PIEZO2: variants seen among roughly 807,000 people sequenced by gnomAD.
The protein encoded by PIEZO2 is piezo type mechanosensitive ion channel component 2, also known as piezo-type mechanosensitive ion channel component 2.
In PIEZO2, 172 loss-of-function variants were observed where a neutral mutation model predicts 337.3. The ratio of observed to expected loss-of-function variants is 0.51; its 90% CI spans 0.45 to 0.58. PIEZO2 has a LOEUF of 0.58. Among genes scored for constraint, PIEZO2 ranks in the 20% least tolerant of loss-of-function variants. PIEZO2 has a pLI of 0.00. For synonymous variants in PIEZO2, 1,251 were observed against 1,228.5 expected (o/e 1.02, Z -0.38); for missense variants, 3,028 against 3,391.3 (o/e 0.89, Z 2.66).
intron 21 of PIEZO2, among the ~76,000 whole-genome samples, chr18:10,769,516 G>A (rs1053908605): frequency 2.0e-5 from 3 of 152,184 alleles, no homozygotes; most frequent in Admixed American, 6.5e-5. Context: ...TTTTTAGAGG[G>A]CAAAGAATTC....
rs143359003 is a variant in PIEZO2 at position 11,001,652 on chromosome 18, C to T, written c.161-21992G>A. 9.3e-3 allele frequency among the ~76,000 whole-genome samples: 1,411 copies of T among 151,864 alleles called. 9 individuals carry two copies. Among genetic ancestry groups the T allele is most frequent in the Middle Eastern group, 0.02 (6 of 294 alleles). ...CAGCACTTTGGGAGGCTGAGGTGGG[C>T]GGATCATCTGAGGTCGGGAGTTCGA... On this transcript the variant is annotated intron_variant, in intron 2 of 55. Transcript: ENST00000674853. The surrounding 1 kb of genome is among the most constrained non-coding windows in gnomAD (Gnocchi z 5.3).
Position 10,752,654 on chromosome 18 carries a change from C to T in PIEZO2, c.4149G>A (p.Thr1383=), listed in dbSNP as rs538099108. Reference sequence around the variant, plus strand: ...CACTTACTGACAGGATATTTTTCATCGTAATCACAAAAACGTTGTATGCGA... The same window carrying T: ...CACTTACTGACAGGATATTTTTCATTGTAATCACAAAAACGTTGTATGCGA... ...WLIAYNVFVI[T]MKNILSIGAC... Residue 1383 remains threonine, a synonymous_variant, in exon 28 of 56, where the codon ACG becomes ACA. Transcript: ENST00000674853. 4.6e-6 allele frequency: 7 copies of T among 1,537,120 alleles called. No homozygotes were observed. Among genetic ancestry groups the T allele is most frequent in the Non-Finnish European group, 5.2e-6 (6 of 1,146,860 alleles).
At chr18:10,900,178 TACACACACACAC>T (rs56708718) in intron 4 of PIEZO2, among the ~76,000 whole-genome samples, 8 of 148,508 alleles carry the variant, frequency 5.4e-5, no homozygotes, top group Admixed American at 2.0e-4. Context: ...TTACTTTTGT[TACACACACACAC>T]ACACACACAC....
intron 47 of PIEZO2, among the ~76,000 whole-genome samples, chr18:10,695,459 C>T (rs901987020): frequency 2.0e-5 from 3 of 152,134 alleles, no homozygotes; most frequent in Non-Finnish European, 4.4e-5. Context: ...TTCTGGCCAC[C>T]CTGACCAGCA....
At chr18:10,714,479 G>A (rs1366087259) in intron 39 of PIEZO2, among the ~76,000 whole-genome samples, 1 of 140,820 alleles carries the variant, frequency 7.1e-6, no homozygotes, top group Non-Finnish European at 1.6e-5. Context: ...GGGGTTGGGA[G>A]GGATCATTCT....
At chr18:10,731,022 G>A (rs2036748439) in intron 36 of PIEZO2, among the ~76,000 whole-genome samples, 1 of 151,804 alleles carries the variant, frequency 6.6e-6, no homozygotes, top group African/African-American at 2.4e-5. Context: ...CACCGCGCCT[G>A]GCCTTAGCTT....
Position 10,696,717 on chromosome 18 carries a change from C to T in PIEZO2, c.6828-178G>A, listed in dbSNP as rs539384381. ...GGACAGCTCCTGTTCTAACGGAGAG[C>T]GTATACACATTTACTGCCAAGATAG... On this transcript the variant is annotated intron_variant, in intron 45 of 55. Coordinates refer to ENST00000674853, the MANE Select transcript of PIEZO2 (RefSeq NM_001378183.1). 3.9e-5 allele frequency among the ~76,000 whole-genome samples: 6 copies of T among 152,288 alleles called. No homozygotes were observed. In the South Asian group the frequency reaches 8.3e-4, roughly 21 times the overall value.
chr18:10,914,266 GTTAT>G (rs1400191530), intron 3 of PIEZO2, among the ~76,000 whole-genome samples: 1 of 134,578 alleles, frequency 7.4e-6, no homozygotes, highest in African/African-American at 2.8e-5. Flanking sequence ...TTTAAAACAT[GTTAT>G]TTTTTTTTTT....
At chr18:10,749,567 G>A (rs559327039) in intron 29 of PIEZO2, among the ~76,000 whole-genome samples, 80 of 152,244 alleles carry the variant, frequency 5.3e-4, no homozygotes, top group African/African-American at 1.7e-3. Context: ...GTGTGATGTC[G>A]TCCTTGGTTC....
intron 4 of PIEZO2, among the ~76,000 whole-genome samples, chr18:10,910,474 T>C (rs548703257): frequency 2.0e-5 from 3 of 152,144 alleles, no homozygotes; most frequent in African/African-American, 7.2e-5. Flanking sequence ...TCCCAGCTAC[T>C]TGGGAGGCTG....
At chr18:10,817,412 G>A (rs777011990) in intron 7 of PIEZO2, among the ~76,000 whole-genome samples, 12 of 152,168 alleles carry the variant, frequency 7.9e-5, no homozygotes, top group Non-Finnish European at 1.5e-4. Flanking sequence ...AATTATACCC[G>A]AAGTATCCAT....
rs2041863183 is a variant in PIEZO2 at position 10,861,193 on chromosome 18, C to T, written c.493-3982G>A. The stretch of plus-strand genomic sequence containing the variant: ...TGCTTGCTGGAGCTGTAAGCTGTCC[C>T]TGCAGCGGAACAGAACTTCAATCTG... On this transcript the variant is annotated intron_variant, in intron 5 of 55. Transcript: ENST00000674853. The surrounding 1 kb of genome is among the most constrained non-coding windows in gnomAD (Gnocchi z 4.3). 6.6e-6 allele frequency among the ~76,000 whole-genome samples: 1 copy of T among 152,198 alleles called. No homozygotes were observed. The highest frequency in any genetic ancestry group is 1.5e-5 in the Non-Finnish European group (1 of 68,040).
intron 14 of PIEZO2, among the ~76,000 whole-genome samples, chr18:10,790,834 A>G (rs556441182): frequency 3.0e-4 from 46 of 151,538 alleles, no homozygotes; most frequent in African/African-American, 9.9e-4. Flanking sequence ...CCTCCTGAGT[A>G]GCTGGGACTA....
chr18:10,690,528 A>C (rs1406124154), intron 48 of PIEZO2, among the ~76,000 whole-genome samples: 1 of 152,294 alleles, frequency 6.6e-6, no homozygotes, highest in South Asian at 2.1e-4. Flanking sequence ...AAGCAACATC[A>C]GGCCCAGTCA....
chr18:10,911,732 C>T (rs925926104), intron 3 of PIEZO2, among the ~76,000 whole-genome samples: 6 of 148,898 alleles, frequency 4.0e-5, no homozygotes, highest in South Asian at 2.2e-4. Flanking sequence ...CTAGCCTGGG[C>T]GACAAGAGCA....
rs375277568 is a variant in PIEZO2 at position 10,740,729 on chromosome 18, T to C, written c.4708+302A>G. On this transcript the variant is annotated intron_variant, in intron 33 of 55. Transcript: ENST00000674853. ...CTCTCGACCTCAGAATTGGGCAATA[T>C]AATATTCAATTCTTCTTCCCTTTCT... The C allele has an allele frequency of 1.7e-5, 9 of 535,284 alleles. No homozygotes were observed. In the African/African-American group the frequency reaches 1.7e-4, roughly 10 times the overall value. 33.2% of individuals were successfully genotyped at this position (535,284 alleles called of 1,614,324 possible).
rs374882238 is a variant in PIEZO2 at position 10,728,730 on chromosome 18, C to T, written c.5029+2677G>A. Among the ~76,000 whole-genome samples the T allele has an allele frequency of 1.1e-3, 173 of 151,646 alleles. 1 individual carries two copies. The highest frequency in any genetic ancestry group is 4.0e-3 in the African/African-American group (164 of 41,372). On this transcript the variant is annotated intron_variant, in intron 36 of 55. Transcript: ENST00000674853. ...CAGCACTTTGGGAGGCCGAGGCGGG[C>T]GGATCATGAGGTCAGAAGATCGAGA...
chr18:10,678,626 T>C (rs573161635), intron 52 of PIEZO2, among the ~76,000 whole-genome samples: 1 of 152,332 alleles, frequency 6.6e-6, no homozygotes, highest in African/African-American at 2.4e-5. Flanking sequence ...AGAGCTAAGT[T>C]AATCAACTAG....
intron 2 of PIEZO2, among the ~76,000 whole-genome samples, chr18:11,049,143 G>A (rs1483099772): frequency 3.3e-5 from 5 of 152,158 alleles, no homozygotes; most frequent in Non-Finnish European, 7.3e-5. Context: ...GAGGAGCTAC[G>A]GTTTCCTCCT....
Sources: gnomAD v4.1 joint callset for allele counts (sites outside exome capture counted in the v4.1 genomes callset) on GRCh38, gnomAD v4.1.1 for gene constraint, Gnocchi (gnomAD v3.1) non-coding constraint, MANE v1.5 for transcripts, NCBI Gene and HGNC (gene_info 2026-07-23, HGNC 2026-07-21) for gene names.